NOS1: variants seen among roughly 807,000 people sequenced by gnomAD.
NOS1 encodes NOS type I.
Under a neutral mutation model 164.5 loss-of-function variants are expected in NOS1, and 51 were observed. The ratio of observed to expected loss-of-function variants is 0.31; its 90% CI spans 0.25 to 0.39. The LOEUF (loss-of-function observed/expected upper bound fraction) is 0.39. Among genes scored for constraint, NOS1 ranks in the 10% least tolerant of loss-of-function variants. NOS1 has a pLI of 1.00. For missense variants in NOS1, 1,362 were observed against 1,885.6 expected, an observed-to-expected ratio of 0.72 and a Z score of 5.14; for synonymous variants, 719 against 745.8, an observed-to-expected ratio of 0.96 and a Z score of 0.59.
intron 1 of NOS1, among the ~76,000 whole-genome samples, chr12:117,341,229 C>T (rs932749807): frequency 6.6e-6 from 1 of 152,122 alleles, no homozygotes; most frequent in Non-Finnish European, 1.5e-5. Context: ...GTGGACTGGT[C>T]CTGTCTCCCA....
intron 3 of NOS1, among the ~76,000 whole-genome samples, chr12:117,307,849 T>A (rs1419742468): frequency 1.3e-5 from 2 of 151,692 alleles, no homozygotes; most frequent in Non-Finnish European, 2.9e-5. Flanking sequence ...AAACCCCATC[T>A]CCAAAAAATG....
Position 117,209,981 on chromosome 12 carries a change from AT to A in NOS1, c.*5327del, listed in dbSNP as rs1350731514. On this transcript the variant is annotated 3_prime_UTR_variant, in exon 29 of 29. Coordinates refer to ENST00000317775, the MANE Select transcript of NOS1 (RefSeq NM_000620.5). ...TCCCAGCACCTGGTCTTTCATTTTA[AT>A]TTTTTTTAGAGACAGGGTCTTGCTC... 2 of 984,424 alleles carry A rather than the reference AT, an allele frequency of 2.0e-6. No homozygotes were observed. Among genetic ancestry groups the A allele is most frequent in the Non-Finnish European group, 2.4e-6 (2 of 829,460 alleles). The allele number at this position is 984,424 out of a possible 1,614,324, so 61.0% of individuals were successfully genotyped here. A position where few individuals can be genotyped will look rare whatever the true frequency, so the allele number is the denominator to read the frequency against.
Position 117,215,152 on chromosome 12 carries a change from G to T in NOS1, c.*157C>A. 1 of 1,323,232 alleles carries T rather than the reference G, an allele frequency of 7.6e-7. No homozygotes were observed. Among genetic ancestry groups the T allele is most frequent in the Non-Finnish European group, 9.7e-7 (1 of 1,027,104 alleles). 82.0% of individuals were successfully genotyped at this position (1,323,232 alleles called of 1,614,324 possible). ...CAAGGAGTAAACCCAGGAGGGCCGA[G>T]GAAACCACTGAGGGGCGAGAAGCCC... is the stretch of plus-strand genomic sequence containing the variant. On this transcript the variant is annotated 3_prime_UTR_variant, in exon 29 of 29. Coordinates refer to ENST00000317775, the MANE Select transcript of NOS1 (RefSeq NM_000620.5).
intron 1 of NOS1, among the ~76,000 whole-genome samples, chr12:117,358,013 C>T (rs1208945933): frequency 2.6e-5 from 4 of 152,306 alleles, no homozygotes; most frequent in South Asian, 2.1e-4. Flanking sequence ...CTCACGAGCA[C>T]GGATTGTTGC....
chr12:117,221,949 G>A (rs1421187372), intron 26 of NOS1, among the ~76,000 whole-genome samples: 2 of 151,064 alleles, frequency 1.3e-5, no homozygotes, highest in African/African-American at 2.4e-5. Context: ...CGTGAGTCAC[G>A]GTGCCTGGCC....
intron 21 of NOS1, among the ~76,000 whole-genome samples, chr12:117,233,329 G>A (rs1869421407): frequency 6.6e-6 from 1 of 151,888 alleles, no homozygotes; most frequent in African/African-American, 2.4e-5. Flanking sequence ...GATTACAGGA[G>A]TGAGCAACCA....
At chr12:117,226,309 C>T (rs912881131) in intron 24 of NOS1, among the ~76,000 whole-genome samples, 1 of 152,064 alleles carries the variant, frequency 6.6e-6, no homozygotes, top group African/African-American at 2.4e-5. Flanking sequence ...TGGATTTTTT[C>T]CATCTCTAGG....
At chr12:117,301,445 C>G (rs1249490904) in intron 3 of NOS1, among the ~76,000 whole-genome samples, 1 of 152,170 alleles carries the variant, frequency 6.6e-6, no homozygotes, top group African/African-American at 2.4e-5. Flanking sequence ...TTTTGAGTAA[C>G]ATTCAGTAAA....
intron 20 of NOS1, among the ~76,000 whole-genome samples, chr12:117,236,465 G>A (rs550600789): frequency 6.6e-6 from 1 of 152,164 alleles, no homozygotes; most frequent in Admixed American, 6.5e-5. Context: ...GCATAGTGGG[G>A]AACTTAGCGA....
chr12:117,237,546 C>T (rs1869815797), intron 20 of NOS1, among the ~76,000 whole-genome samples: 1 of 152,086 alleles, frequency 6.6e-6, no homozygotes, highest in East Asian at 1.9e-4. Flanking sequence ...CCCTTCTCCC[C>T]CCGAGTGTCC....
intron 10 of NOS1, 53 bp from the exon 11 acceptor site, chr12:117,268,197 G>C: frequency 5.9e-6 from 7 of 1,191,460 alleles, no homozygotes; most frequent in Non-Finnish European, 7.5e-6. Flanking sequence ...CTGGATTTCA[G>C]ATTGAAGAGG....
chr12:117,358,761 T>C (rs935519260), intron 1 of NOS1, among the ~76,000 whole-genome samples: 3 of 152,236 alleles, frequency 2.0e-5, no homozygotes, highest in Admixed American at 6.5e-5. Context: ...CTGCTCACTC[T>C]TTCTCTACAT....
At chr12:117,263,516 T>C (rs1872109282) in intron 13 of NOS1, among the ~76,000 whole-genome samples, 3 of 151,374 alleles carry the variant, frequency 2.0e-5, no homozygotes, top group Non-Finnish European at 4.4e-5. Context: ...GAAAAGAAAT[T>C]GGTCATAGTG....
chr12:117,278,909 A>C (rs1037637605), intron 8 of NOS1, among the ~76,000 whole-genome samples: 9 of 149,864 alleles, frequency 6.0e-5, no homozygotes, highest in African/African-American at 2.2e-4. Flanking sequence ...TAATATATCA[A>C]ATAATACATT....
chr12:117,228,254 CTG>C lies in NOS1; in HGVS notation c.3406-615_3406-614del, dbSNP rs547039319. On this transcript the variant is annotated intron_variant, in intron 22 of 28. Coordinates refer to ENST00000317775, the MANE Select transcript of NOS1 (RefSeq NM_000620.5). The stretch of plus-strand genomic sequence containing the variant: ...TTTCCCCATTTTATAGATGAGGAAA[CTG>C]AGGGTTATAGAGGTCCCATGGCTAC... Among the ~76,000 whole-genome samples, 215 of 152,226 alleles carry C rather than the reference CTG, an allele frequency of 1.4e-3. 1 individual carries two copies. The highest frequency in any genetic ancestry group is 1.3e-3 in the Non-Finnish European group (88 of 68,016).
chr12:117,283,347 C>T (rs563079118), intron 7 of NOS1, among the ~76,000 whole-genome samples: 9 of 152,332 alleles, frequency 5.9e-5, no homozygotes, highest in African/African-American at 2.2e-4. Context: ...CGGGCGTGAG[C>T]CACAGCGCCC....
At chr12:117,277,448 G>C (rs1282181739) in intron 9 of NOS1, among the ~76,000 whole-genome samples, 1 of 151,810 alleles carries the variant, frequency 6.6e-6, no homozygotes, top group East Asian at 2.0e-4. Flanking sequence ...GGCCAAGCAT[G>C]GTGGTGTGTG....
In NOS1 at chr12:117,313,797, A is replaced by G. The variant is rs1874548096; in HGVS notation, c.726-2205T>C. Among the ~76,000 whole-genome samples the G allele has an allele frequency of 2.0e-5, 3 of 151,966 alleles. No homozygotes were observed. In the South Asian group the frequency reaches 6.2e-4, roughly 32 times the overall value. The stretch of plus-strand genomic sequence containing the variant: ...TCTACTCTCTGAATACTGCCCTCCT[A>G]CTTCCCAACAGCCTTTCTCCTTTTG... On this transcript the variant is annotated intron_variant, in intron 2 of 28. Transcript: ENST00000317775.
At chr12:117,265,250 C>T in intron 12 of NOS1, 66 bp downstream of exon 12, 1 of 1,407,902 alleles carries the variant, frequency 7.1e-7, no homozygotes, top group Non-Finnish European at 9.4e-7. Context: ...TGAAATGAGC[C>T]TAAATGTGAC....
Sources: allele counts gnomAD v4.1 joint callset (sites outside exome capture counted in the v4.1 genomes callset), GRCh38; gene constraint gnomAD v4.1.1; transcripts MANE v1.5; gene names NCBI Gene and HGNC (gene_info 2026-07-23, HGNC 2026-07-21).